Variants in GALNT9 observed in about 807,000 individuals in gnomAD.
The protein encoded by GALNT9 is GalNAc transferase 9.
A neutral mutation model predicts 63.1 loss-of-function variants in GALNT9; 47 were observed. The observed-to-expected ratio is 0.75, with a 90% CI of 0.59 to 0.95. GALNT9 has a LOEUF of 0.95. GALNT9 is among the 40% of genes least tolerant of loss of function. The pLI is 0.00. For synonymous variants in GALNT9, 396 were observed against 365.7 expected (o/e 1.08, Z -0.94); for missense variants, 829 against 874.8 (o/e 0.95, Z 0.66).
chr12:132,268,904 G>A (rs1220602682), intron 2 of GALNT9, among the ~76,000 whole-genome samples: 3 of 152,260 alleles, frequency 2.0e-5, no homozygotes, highest in Admixed American at 6.5e-5. Context: ...TCGCGGAGGG[G>A]CCGGAACGCC....
intron 7 of GALNT9, 116 bp from the exon 8 acceptor site, chr12:132,201,377 C>T (rs1413019797): frequency 6.0e-6 from 4 of 662,860 alleles, no homozygotes; most frequent in Non-Finnish European, 7.9e-6. Flanking sequence ...CAGCCTCCCC[C>T]CCAGTATTCA....
At chr12:132,260,069 C>CGCGGGG (rs1879317628) in intron 4 of GALNT9, among the ~76,000 whole-genome samples, 4 of 87,150 alleles carry the variant, frequency 4.6e-5, no homozygotes, top group East Asian at 3.3e-4. Context: ...GCACTATGGA[C>CGCGGGG]CCCGTAGGTG....
At position 132,319,006 on chromosome 12, in the gene GALNT9, T is replaced by C. The variant is rs1458886062; in HGVS notation, c.238+9960A>G. On this transcript the variant is annotated intron_variant, in intron 1 of 10. Coordinates refer to ENST00000328957, the MANE Select transcript of GALNT9 (RefSeq NM_001122636.2). The surrounding 1 kb of genome is among the most constrained non-coding windows in gnomAD (Gnocchi z 5.2). ...ACACCGGGCAGCTGCACGGGTCCTT[T>C]GGACTTCGGCAGCGACTCTCTGGGA... Among the ~76,000 whole-genome samples the C allele has an allele frequency of 6.6e-6, 1 of 152,190 alleles. No homozygotes were observed. Among genetic ancestry groups the C allele is most frequent in the Non-Finnish European group, 1.5e-5 (1 of 68,026 alleles).
At chr12:132,284,827 C>T (rs1593104424) in intron 2 of GALNT9, among the ~76,000 whole-genome samples, 1 of 152,216 alleles carries the variant, frequency 6.6e-6, no homozygotes, top group African/African-American at 2.4e-5. Flanking sequence ...CTGGCTAGAA[C>T]AGGGAGCTCC....
chr12:132,314,762 G>A (rs1555245586), intron 1 of GALNT9, among the ~76,000 whole-genome samples: 1 of 152,220 alleles, frequency 6.6e-6, no homozygotes, highest in Admixed American at 6.5e-5. Flanking sequence ...GGTGAATGAA[G>A]TGTGAATCGG....
At chr12:132,212,155 A>ACGGAAACC (rs1876981456) in intron 6 of GALNT9, among the ~76,000 whole-genome samples, 10 of 150,578 alleles carry the variant, frequency 6.6e-5, no homozygotes, top group Non-Finnish European at 7.4e-5. Flanking sequence ...CAGCCTTCAC[A>ACGGAAACC]CCACGACACG....
rs1284832368 is a variant in GALNT9 at position 132,329,162 on chromosome 12, G to A, written c.42C>T (p.Asn14=). The A allele has an allele frequency of 6.5e-6, 10 of 1,549,048 alleles. No individual in the cohort carries two copies. The highest frequency in any genetic ancestry group is 3.9e-5 in the Admixed American group (2 of 50,952). ...ARKIRTLLTV[N]ILVFVGIVLF... Reference sequence around the variant, plus strand: ...GGACGATGCCCACGAACACCAGGATGTTCACCGTCAGCAAAGTTCGGATCT... The same window carrying A: ...GGACGATGCCCACGAACACCAGGATATTCACCGTCAGCAAAGTTCGGATCT... The change falls in exon 1 of 11, where the codon AAC becomes AAT. Residue 14 remains asparagine, a synonymous_variant. Transcript: ENST00000328957.
chr12:132,231,078 G>A lies in GALNT9; in HGVS notation c.1077+16832C>T, dbSNP rs1420758100. Among the ~76,000 whole-genome samples, 113 of 80,306 alleles carry A rather than the reference G, an allele frequency of 1.4e-3. 2 individuals are homozygous for A. Among genetic ancestry groups the A allele is most frequent in the African/African-American group, 5.7e-3 (109 of 19,192 alleles). 52.7% of individuals were successfully genotyped at this position (80,306 alleles called of 152,430 possible). Reference sequence around the variant, plus strand: ...GTGGAGTCCCTAGTGCCACACACTCGATGGGGCGACAGAGGAGACAGCGTG... The same window carrying A: ...GTGGAGTCCCTAGTGCCACACACTCAATGGGGCGACAGAGGAGACAGCGTG... On this transcript the variant is annotated intron_variant, in intron 6 of 10. Coordinates refer to ENST00000328957, the MANE Select transcript of GALNT9 (RefSeq NM_001122636.2).
chr12:132,312,120 GAA>G (rs1158298206), intron 1 of GALNT9, among the ~76,000 whole-genome samples: 17 of 152,344 alleles, frequency 1.1e-4, no homozygotes, highest in African/African-American at 3.8e-4. Flanking sequence ...TGTCAATAGT[GAA>G]AAGACTGACT....
chr12:132,231,136 C>A lies in GALNT9; in HGVS notation c.1077+16774G>T, dbSNP rs1415208130. ...TACTGCCACACACTCCATGGGGCGA[C>A]AGAGGAGACAGCGTGGAGCCCCTAG... On this transcript the variant is annotated intron_variant, in intron 6 of 10. Transcript: ENST00000328957. 7.6e-5 allele frequency among the ~76,000 whole-genome samples: 6 copies of A among 78,524 alleles called. No homozygotes were observed. In the Admixed American group the frequency reaches 8.7e-4, roughly 11 times the overall value. 51.5% of individuals were successfully genotyped at this position (78,524 alleles called of 152,430 possible).
chr12:132,303,424 C>A (rs1555244086), intron 1 of GALNT9, among the ~76,000 whole-genome samples: 4 of 144,742 alleles, frequency 2.8e-5, no homozygotes, highest in Admixed American at 1.4e-4. Context: ...CGGGCACAGC[C>A]TCGCCCGGGC....
Position 132,315,809 on chromosome 12 carries a change from G to C in GALNT9, c.238+13157C>G, listed in dbSNP as rs1340595094. ...GCCACCCACTCATACTCCCCACCGCGTCACACAGGGTGTGAGTGACACGGC... is the reference window on the plus strand; with the variant it reads ...GCCACCCACTCATACTCCCCACCGCCTCACACAGGGTGTGAGTGACACGGC... On this transcript the variant is annotated intron_variant, in intron 1 of 10. Transcript: ENST00000328957. The surrounding 1 kb of genome is among the most constrained non-coding windows in gnomAD (Gnocchi z 6.1). 6.6e-6 allele frequency among the ~76,000 whole-genome samples: 1 copy of C among 152,184 alleles called. No individual in the cohort carries two copies. The highest frequency in any genetic ancestry group is 1.5e-5 in the Non-Finnish European group (1 of 68,026).
intron 4 of GALNT9, among the ~76,000 whole-genome samples, chr12:132,259,101 T>A (rs563360506): frequency 5.0e-4 from 76 of 152,360 alleles, no homozygotes; most frequent in African/African-American, 1.7e-3. Flanking sequence ...AATTAATTAC[T>A]GTTAGCGAAG....
At chr12:132,275,143 C>G (rs1880032765) in intron 2 of GALNT9, 1 of 152,390 alleles carries the variant, frequency 6.6e-6, no homozygotes, top group South Asian at 2.1e-4. Flanking sequence ...TTCTTTCCCC[C>G]GTGTCTAGGC....
In GALNT9 at chr12:132,240,651, C is replaced by A. The variant is rs2136899075; in HGVS notation, c.1077+7259G>T. 1,858 of 454,942 alleles carry A rather than the reference C, an allele frequency of 4.1e-3. 29 individuals are homozygous for A. The highest frequency in any genetic ancestry group is 0.033 in the African/African-American group (1,641 of 49,834). 28.2% of individuals were successfully genotyped at this position (454,942 alleles called of 1,614,324 possible). A position where few individuals can be genotyped will look rare whatever the true frequency, so the allele number is the denominator to read the frequency against. On this transcript the variant is annotated intron_variant, in intron 6 of 10. Coordinates refer to ENST00000328957, the MANE Select transcript of GALNT9 (RefSeq NM_001122636.2). The stretch of plus-strand genomic sequence containing the variant: ...CTCTATGGGCCTCGGACCTGCTCCT[C>A]TTCACTCTCTGCCGTGTTTTTCTTC...
At chr12:132,258,683 G>A (rs1327160606) in intron 4 of GALNT9, among the ~76,000 whole-genome samples, 1 of 152,210 alleles carries the variant, frequency 6.6e-6, no homozygotes. Flanking sequence ...GGGGCAATGG[G>A]GGGCGAGGAG....
At chr12:132,306,815 C>T (rs782583941) in intron 1 of GALNT9, among the ~76,000 whole-genome samples, 3 of 152,200 alleles carry the variant, frequency 2.0e-5, no homozygotes, top group Admixed American at 1.3e-4. Context: ...CTCACTTCCG[C>T]GCACACCCGC....
rs974749175 is a variant in GALNT9, at chr12:132,196,969, G to A, written c.*138C>T. The A allele has an allele frequency of 5.1e-5, 76 of 1,496,612 alleles. No individual in the cohort carries two copies. The East Asian group carries it at 8.0e-4, about 16-fold the overall frequency. 92.7% of individuals were successfully genotyped at this position (1,496,612 alleles called of 1,614,324 possible). On this transcript the variant is annotated 3_prime_UTR_variant, in exon 11 of 11. Coordinates refer to ENST00000328957, the MANE Select transcript of GALNT9 (RefSeq NM_001122636.2). The stretch of plus-strand genomic sequence containing the variant: ...CACCCTGGTCACTCAGCCACACCCC[G>A]GCCCCTCAGCCTCTGCTGTCCTGGC...
chr12:132,254,026 T>G (rs141358072), intron 5 of GALNT9, among the ~76,000 whole-genome samples: 29,622 of 142,936 alleles, frequency 0.21, 2,954 homozygotes, highest in Middle Eastern at 0.37. Context: ...CTGTTTTTTC[T>G]TTTTTTTTTT....
Sources: allele counts gnomAD v4.1 joint callset (sites outside exome capture counted in the v4.1 genomes callset), GRCh38; gene constraint gnomAD v4.1.1; non-coding constraint Gnocchi (gnomAD v3.1); transcripts MANE v1.5; gene names NCBI Gene and HGNC (gene_info 2026-07-23, HGNC 2026-07-21).